Variants in TRPM7 observed in about 807,000 individuals in gnomAD.
TRPM7 encodes LTRPC ion channel family member 7.
TRPM7 carries 134 observed loss-of-function variants against 229.7 expected under a neutral mutation model. The ratio of observed to expected loss-of-function variants is 0.58; its 90% CI spans 0.51 to 0.67. The LOEUF (loss-of-function observed/expected upper bound fraction) is 0.67. Among genes scored for constraint, TRPM7 ranks in the 30% least tolerant of loss-of-function variants. TRPM7 has a pLI of 0.00. For synonymous variants in TRPM7, 699 were observed against 715.2 expected (o/e 0.98, Z 0.36); for missense variants, 1,901 against 2,210.0 (o/e 0.86, Z 2.80).
chr15:50,601,559 T>A (rs1364557374), intron 21 of TRPM7, among the ~76,000 whole-genome samples: 1 of 152,098 alleles, frequency 6.6e-6, no homozygotes, highest in Non-Finnish European at 1.5e-5. Flanking sequence ...GAAGAATCGC[T>A]TGAATCCAGG....
chr15:50,625,374 G>C (rs1051795116), intron 11 of TRPM7, among the ~76,000 whole-genome samples: 1 of 151,746 alleles, frequency 6.6e-6, no homozygotes, highest in Non-Finnish European at 1.5e-5. Context: ...ATCTATCTTC[G>C]ATTTACATCA....
chr15:50,623,058 T>C (rs2060455297), intron 12 of TRPM7, among the ~76,000 whole-genome samples: 1 of 152,052 alleles, frequency 6.6e-6, no homozygotes, highest in South Asian at 2.1e-4. Flanking sequence ...AATAAATGGG[T>C]TATTAGTTGG....
At chr15:50,631,220 A>G (rs1460476521) in intron 10 of TRPM7, among the ~76,000 whole-genome samples, 197 bp downstream of exon 10, 3 of 152,224 alleles carry the variant, frequency 2.0e-5, no homozygotes, top group Non-Finnish European at 2.9e-5. Context: ...ACAAGATTAA[A>G]TTAAAAGTTA....
At position 50,607,877 on chromosome 15, in the gene TRPM7, T is replaced by C. The variant is rs373507793; in HGVS notation, c.2581-549A>G. Among the ~76,000 whole-genome samples, 598 of 128,248 alleles carry C rather than the reference T, an allele frequency of 4.7e-3. 6 individuals carry two copies. Among genetic ancestry groups the C allele is most frequent in the African/African-American group, 0.016 (552 of 34,098 alleles). 84.1% of individuals were successfully genotyped at this position (128,248 alleles called of 152,430 possible). On this transcript the variant is annotated intron_variant, in intron 19 of 38. Transcript: ENST00000646667. The stretch of plus-strand genomic sequence containing the variant: ...GCCTGGCCAACAGGGTGAAACTCCA[T>C]CTCTACTGAAAAAAAAAAAAAAAAA...
At chr15:50,585,059 T>TTG (rs1566957152) in intron 28 of TRPM7, among the ~76,000 whole-genome samples, 3 of 140,990 alleles carry the variant, frequency 2.1e-5, no homozygotes, top group African/African-American at 8.1e-5. Flanking sequence ...TATTTTTTTT[T>TTG]TTTTTTTTTT....
intron 5 of TRPM7, among the ~76,000 whole-genome samples, chr15:50,640,632 C>A (rs2061073455): frequency 6.6e-6 from 1 of 151,942 alleles, no homozygotes; most frequent in East Asian, 1.9e-4. Context: ...ACTCCCAATA[C>A]CATAAAATAT....
chr15:50,640,460 T>C (rs2061067526), intron 5 of TRPM7, among the ~76,000 whole-genome samples: 1 of 150,180 alleles, frequency 6.7e-6, no homozygotes, highest in Admixed American at 6.6e-5. Flanking sequence ...TTTCTTTTTT[T>C]TTTTTTTTTT....
At chr15:50,623,539 G>C (rs1312526430) in intron 12 of TRPM7, among the ~76,000 whole-genome samples, 23 of 142,854 alleles carry the variant, frequency 1.6e-4, no homozygotes, top group Admixed American at 1.6e-3. Flanking sequence ...GGCCAAGTGA[G>C]AAAAGTAGAT....
Position 50,639,534 on chromosome 15 carries a change from C to G in TRPM7, c.550G>C (p.Val184Leu), listed in dbSNP as rs376928280. 6.2e-7 allele frequency: 1 copy of G among 1,608,512 alleles called. No homozygotes were observed. The highest frequency in any genetic ancestry group is 1.1e-5 in the South Asian group (1 of 89,856). The change falls in exon 6 of 39, where the codon GTT (valine) becomes CTT (leucine). Residue 184 changes from valine to leucine, a missense_variant. Physicochemically the swap from Val to Leu is conservative, Grantham distance 32 (BLOSUM62 1). This residue lies in a region of TRPM7 where 794 missense variants were observed against 881.9 expected (regional missense o/e 0.90). Coordinates refer to ENST00000646667, the MANE Select transcript of TRPM7 (RefSeq NM_017672.6). ...GGVNTGVAKH[V>L]GDALKEHASR... Reference sequence around the variant, plus strand: ...GCATGTTCTTTGAGGGCATCTCCAACATGTTTTGCCACACCTGTTCATAAA... The same window carrying G: ...GCATGTTCTTTGAGGGCATCTCCAAGATGTTTTGCCACACCTGTTCATAAA...
At chr15:50,669,368 G>C (rs2061943785) in intron 1 of TRPM7, among the ~76,000 whole-genome samples, 1 of 152,114 alleles carries the variant, frequency 6.6e-6, no homozygotes, top group Non-Finnish European at 1.5e-5. Flanking sequence ...TCAGGAGATG[G>C]AGGCTGCAGT....
chr15:50,611,831 T>C (rs2060070012), intron 16 of TRPM7, among the ~76,000 whole-genome samples: 1 of 152,240 alleles, frequency 6.6e-6, no homozygotes, highest in South Asian at 2.1e-4. Flanking sequence ...GCCGGAGGTC[T>C]TAGTATATAT....
At chr15:50,577,697 A>C (rs2054202850) in intron 31 of TRPM7, among the ~76,000 whole-genome samples, 1 of 152,196 alleles carries the variant, frequency 6.6e-6, no homozygotes, top group South Asian at 2.1e-4. Context: ...TGACTCAGCA[A>C]TTCCACTCCT....
intron 30 of TRPM7, among the ~76,000 whole-genome samples, chr15:50,579,607 A>C (rs1406934610): frequency 6.6e-6 from 1 of 152,120 alleles, no homozygotes; most frequent in Non-Finnish European, 1.5e-5. Flanking sequence ...CACCAACTTG[A>C]AGTGCCTATT....
In TRPM7 at chr15:50,643,359, T is replaced by A; in HGVS notation, c.516A>T (p.Leu172Phe). Residue 172 changes from leucine to phenylalanine, a missense_variant, in exon 5 of 39, where the codon TTA becomes TTT. This residue lies in a region of TRPM7 where 794 missense variants were observed against 881.9 expected (regional missense o/e 0.90). Transcript: ENST00000646667. ...CATTACCTGTGTTTACTCCTCCAGT[T>A]AAAATCCAGGCTCCAGTTGTAACTG... ...KAAVTTGAWILTGGVNTGVAK... is the reference protein window; with the variant it reads ...KAAVTTGAWIFTGGVNTGVAK... 6.2e-7 allele frequency: 1 copy of A among 1,614,142 alleles called. No homozygotes were observed. The highest frequency in any genetic ancestry group is 2.2e-5 in the East Asian group (1 of 44,872).
intron 22 of TRPM7, among the ~76,000 whole-genome samples, chr15:50,598,043 T>C (rs1410546069): frequency 6.6e-6 from 1 of 152,090 alleles, no homozygotes; most frequent in East Asian, 1.9e-4. Context: ...CAAGAACAAA[T>C]AATGACCACA....
At chr15:50,646,148 C>G (rs1046418310) in intron 4 of TRPM7, among the ~76,000 whole-genome samples, 2 of 151,184 alleles carry the variant, frequency 1.3e-5, no homozygotes, top group Non-Finnish European at 2.9e-5. Flanking sequence ...GGTACAAAGG[C>G]AGTGAGAATT....
In TRPM7 at chr15:50,602,923, T is replaced by C. The variant is rs145105979; in HGVS notation, c.2988+1943A>G. ...AAAGGCTTCTGTACTTCCTAACTCTTCCATTTACATTACCATTAAAGTAAC... is the reference window on the plus strand; with the variant it reads ...AAAGGCTTCTGTACTTCCTAACTCTCCCATTTACATTACCATTAAAGTAAC... On this transcript the variant is annotated intron_variant, in intron 21 of 38. Transcript: ENST00000646667. Among the ~76,000 whole-genome samples the C allele has an allele frequency of 2.3e-3, 356 of 152,230 alleles. 2 individuals carry two copies. The highest frequency in any genetic ancestry group is 8.1e-3 in the African/African-American group (336 of 41,532).
At chr15:50,646,852 T>C (rs2061280807) in intron 4 of TRPM7, among the ~76,000 whole-genome samples, 1 of 152,200 alleles carries the variant, frequency 6.6e-6, no homozygotes. Flanking sequence ...TGTTTATATA[T>C]ATTTAGACAC....
intron 21 of TRPM7, among the ~76,000 whole-genome samples, chr15:50,600,119 C>T (rs1237308244): frequency 2.0e-5 from 3 of 152,214 alleles, no homozygotes; most frequent in Non-Finnish European, 2.9e-5. Context: ...GCACTACTTA[C>T]TGTCTAGCCT....
Sources: allele counts gnomAD v4.1 joint callset (sites outside exome capture counted in the v4.1 genomes callset), GRCh38; gene constraint gnomAD v4.1.1; regional missense constraint gnomAD v4.1.1; transcripts MANE v1.5; gene names NCBI Gene and HGNC (gene_info 2026-07-23, HGNC 2026-07-21).